Variants in CAMTA1 observed in about 807,000 individuals in gnomAD.
CAMTA1 encodes the protein calmodulin-binding transcription activator 1.
Under a neutral mutation model 170.9 loss-of-function variants are expected in CAMTA1, and 27 were observed. The ratio of observed to expected loss-of-function variants is 0.16; its 90% CI spans 0.12 to 0.22. The LOEUF (loss-of-function observed/expected upper bound fraction) is 0.22. CAMTA1 is among the 10% of genes least tolerant of loss of function. The probability of loss-of-function intolerance (pLI) is 1.00; values close to 1 mark genes in which losing one functional copy is unlikely to be tolerated. For synonymous variants in CAMTA1, 833 were observed against 891.5 expected, an observed-to-expected ratio of 0.93 and a Z score of 1.17; for missense variants, 1,619 against 2,217.2, an observed-to-expected ratio of 0.73 and a Z score of 5.42.
At chr1:7,340,768 CCATA>C (rs2083769812) in intron 5 of CAMTA1, among the ~76,000 whole-genome samples, 1 of 137,994 alleles carries the variant, frequency 7.2e-6, no homozygotes, top group South Asian at 2.4e-4. Flanking sequence ...ATCCATCCAT[CCATA>C]CACTGTCTCA....
At chr1:7,558,561 C>T (rs907891194) in intron 6 of CAMTA1, among the ~76,000 whole-genome samples, 7 of 152,242 alleles carry the variant, frequency 4.6e-5, no homozygotes, top group African/African-American at 7.2e-5. Context: ...GTTGCCTGCT[C>T]GGATTAAGTC....
At chr1:6,894,035 T>A (rs1415151375) in intron 3 of CAMTA1, among the ~76,000 whole-genome samples, 2 of 152,244 alleles carry the variant, frequency 1.3e-5, no homozygotes, top group Non-Finnish European at 2.9e-5. Context: ...GGCTGTGGGA[T>A]TTAAATGCTG....
At chr1:7,459,829 C>G (rs2093041040) in intron 5 of CAMTA1, among the ~76,000 whole-genome samples, 1 of 152,204 alleles carries the variant, frequency 6.6e-6, no homozygotes, top group Non-Finnish European at 1.5e-5. Flanking sequence ...GTCAGCCCAA[C>G]TGTAGTGGGA....
chr1:7,487,750 C>T (rs956805303), intron 6 of CAMTA1, among the ~76,000 whole-genome samples: 2 of 152,212 alleles, frequency 1.3e-5, no homozygotes, highest in African/African-American at 4.8e-5. Flanking sequence ...CCAAAGGCTG[C>T]ACTTTCCAGA....
intron 5 of CAMTA1, among the ~76,000 whole-genome samples, chr1:7,310,660 TTTC>T (rs1676436565): frequency 9.6e-5 from 5 of 52,044 alleles, no homozygotes; most frequent in African/African-American, 3.9e-4. Context: ...TCTTTCTTTC[TTTC>T]TTTCTTTCCT....
At chr1:7,667,283 A>C (rs1340359179) in intron 9 of CAMTA1, among the ~76,000 whole-genome samples, 1 of 151,898 alleles carries the variant, frequency 6.6e-6, no homozygotes, top group Non-Finnish European at 1.5e-5. Flanking sequence ...CCAGTTGGGC[A>C]TCTTCCCCGT....
At chr1:6,811,094 A>G (rs540142309) in intron 1 of CAMTA1, among the ~76,000 whole-genome samples, 269 of 152,228 alleles carry the variant, frequency 1.8e-3, no homozygotes, top group African/African-American at 6.3e-3. Flanking sequence ...ACAAATGAAC[A>G]TTCTGTGTTA....
chr1:7,270,291 ATTTT>A lies in CAMTA1; in HGVS notation c.438+20677_438+20680del, dbSNP rs34768255. On this transcript the variant is annotated intron_variant, in intron 5 of 22. Coordinates refer to ENST00000303635, the MANE Select transcript of CAMTA1 (RefSeq NM_015215.4). ...CACACACACATATATATATATATAT[ATTTT>A]TTTTTTTTTTTCTTGTGAGATGGAG... 2.5e-4 allele frequency among the ~76,000 whole-genome samples: 28 copies of A among 110,544 alleles called. 1 individual carries two copies. The highest frequency in any genetic ancestry group is 1.7e-3 in the East Asian group (5 of 3,016). 72.5% of individuals were successfully genotyped at this position (110,544 alleles called of 152,430 possible).
intron 3 of CAMTA1, among the ~76,000 whole-genome samples, chr1:6,903,878 A>C (rs1677670749): frequency 6.6e-6 from 1 of 152,222 alleles, no homozygotes. Flanking sequence ...TTTCCTGTGG[A>C]CATCGCAGAC....
chr1:6,833,230 G>T (rs1216146310), intron 3 of CAMTA1, among the ~76,000 whole-genome samples: 2 of 152,050 alleles, frequency 1.3e-5, no homozygotes. Flanking sequence ...AATTCCTGTG[G>T]GTCTTCCTCA....
chr1:6,935,926 G>GA (rs1685231986), intron 3 of CAMTA1, among the ~76,000 whole-genome samples: 1 of 152,196 alleles, frequency 6.6e-6, no homozygotes, highest in Non-Finnish European at 1.5e-5. Flanking sequence ...TGGCAGGTCG[G>GA]AAACTGGAGA....
rs1366076655 is a variant in CAMTA1 at position 7,329,179 on chromosome 1, A to T, written c.438+79553A>T. ...GTGTTAAGTCAAAGAAGTTGAAGTA[A>T]CATCTTGAAAAAAAAAATCCCAAGC... On this transcript the variant is annotated intron_variant, in intron 5 of 22. Transcript: ENST00000303635. Among the ~76,000 whole-genome samples, 3 of 145,934 alleles carry T rather than the reference A, an allele frequency of 2.1e-5. No homozygotes were observed. In the East Asian group the frequency reaches 5.9e-4, roughly 29 times the overall value.
chr1:7,017,296 T>A (rs1016258904), intron 3 of CAMTA1, among the ~76,000 whole-genome samples: 1 of 152,250 alleles, frequency 6.6e-6, no homozygotes, highest in African/African-American at 2.4e-5. Context: ...CATTACCTTA[T>A]TTTGTACCCA....
chr1:6,867,735 ATTGAT>A (rs1195944107), intron 3 of CAMTA1, among the ~76,000 whole-genome samples: 1 of 152,174 alleles, frequency 6.6e-6, no homozygotes, highest in African/African-American at 2.4e-5. Context: ...CATGCTGGTG[ATTGAT>A]TTATTTATAT....
chr1:7,387,352 T>G (rs2088126658), intron 5 of CAMTA1, among the ~76,000 whole-genome samples: 1 of 152,046 alleles, frequency 6.6e-6, no homozygotes, highest in Admixed American at 6.5e-5. Context: ...CCAGGAGACC[T>G]CACAATCCTA....
Position 7,674,549 on chromosome 1 carries a change from C to T in CAMTA1, c.2780-3050C>T, listed in dbSNP as rs1042391751. ...ATCCTAGCATGTTGGGAGGCCGAGGCGGGCGGATCACTTGAAGTCAGGAGT... is the reference window on the plus strand; with the variant it reads ...ATCCTAGCATGTTGGGAGGCCGAGGTGGGCGGATCACTTGAAGTCAGGAGT... On this transcript the variant is annotated intron_variant, in intron 10 of 22. Transcript: ENST00000303635. This position sits in a 1 kb window ranked among gnomAD's most constrained non-coding sequence, Gnocchi z 4.1. 2.6e-5 allele frequency among the ~76,000 whole-genome samples: 4 copies of T among 152,126 alleles called. No homozygotes were observed. The highest frequency in any genetic ancestry group is 9.7e-5 in the African/African-American group (4 of 41,424).
intron 12 of CAMTA1, among the ~76,000 whole-genome samples, chr1:7,734,911 T>A (rs2096759986): frequency 6.6e-6 from 1 of 152,160 alleles, no homozygotes; most frequent in Non-Finnish European, 1.5e-5. Context: ...TGGGGGAGTG[T>A]TAAACATAAA....
At position 6,880,824 on chromosome 1, in the gene CAMTA1, G is replaced by T. The variant is rs1013117253; in HGVS notation, c.234+55614G>T. The stretch of plus-strand genomic sequence containing the variant: ...GTTCAATAAATACTTATTGAATACC[G>T]AGTACTAGGCACTGTCCTAGGTGTA... On this transcript the variant is annotated intron_variant, in intron 3 of 22. Transcript: ENST00000303635. 5.3e-5 allele frequency among the ~76,000 whole-genome samples: 8 copies of T among 152,174 alleles called. No homozygotes were observed. In the Middle Eastern group the frequency reaches 0.01, roughly 194 times the overall value.
rs1237050910 is a variant in CAMTA1 at position 7,585,247 on chromosome 1, A to G, written c.511-55153A>G. 2.0e-5 allele frequency among the ~76,000 whole-genome samples: 3 copies of G among 152,174 alleles called. No individual in the cohort carries two copies. The highest frequency in any genetic ancestry group is 2.9e-5 in the Non-Finnish European group (2 of 68,042). On this transcript the variant is annotated intron_variant, in intron 6 of 22. Coordinates refer to ENST00000303635, the MANE Select transcript of CAMTA1 (RefSeq NM_015215.4). The surrounding 1 kb of genome is among the most constrained non-coding windows in gnomAD (Gnocchi z 4.8). ...ATTTAAGATAGTGATAAATGCAGTA[A>G]CGACAGCCAGGCAGAGTAAAGGAAG...
Sources: gnomAD v4.1 joint callset for allele counts (sites outside exome capture counted in the v4.1 genomes callset) on GRCh38, gnomAD v4.1.1 for gene constraint, Gnocchi (gnomAD v3.1) non-coding constraint, MANE v1.5 for transcripts, NCBI Gene and HGNC (gene_info 2026-07-23, HGNC 2026-07-21) for gene names.